WASF3: variants seen among roughly 807,000 people sequenced by gnomAD.
WASF3 encodes actin-binding protein WASF3.
WASF3 carries 11 observed loss-of-function variants against 46.6 expected under a neutral mutation model. The ratio of observed to expected loss-of-function variants is 0.24; its 90% CI spans 0.15 to 0.39. WASF3 has a LOEUF of 0.39. WASF3 is among the 10% of genes least tolerant of loss of function. The probability of loss-of-function intolerance (pLI) is 1.00; values close to 1 mark genes in which losing one functional copy is unlikely to be tolerated. For missense variants in WASF3, 576 were observed against 669.8 expected (o/e 0.86, Z 1.55); for synonymous variants, 242 against 259.7 (o/e 0.93, Z 0.65).
chr13:26,617,883 A>G lies in WASF3; in HGVS notation c.-11+4825A>G, dbSNP rs1881183175. Among the ~76,000 whole-genome samples, 4 of 151,958 alleles carry G rather than the reference A, an allele frequency of 2.6e-5. 1 individual carries two copies. The South Asian group carries it at 8.3e-4, about 32-fold the overall frequency. On this transcript the variant is annotated intron_variant, in intron 2 of 9. Coordinates refer to ENST00000335327, the MANE Select transcript of WASF3 (RefSeq NM_006646.6). Reference sequence around the variant, plus strand: ...TAGTGAATTCTCATGAGATCTGATGATTTTTTAAGTGTTTGGTAGTTCCTC... The same window carrying G: ...TAGTGAATTCTCATGAGATCTGATGGTTTTTTAAGTGTTTGGTAGTTCCTC...
the WASF3 span, among the ~76,000 whole-genome samples, chr13:26,542,930 G>A: frequency 6.6e-6 from 1 of 152,186 alleles, no homozygotes; most frequent in Non-Finnish European, 1.5e-5. Flanking sequence ...AATAGTATCT[G>A]CACATAAGGA....
In WASF3 at chr13:26,686,276, T is replaced by A. The variant is rs1883402991; in HGVS notation, c.*431T>A. On this transcript the variant is annotated 3_prime_UTR_variant, in exon 10 of 10. Coordinates refer to ENST00000335327, the MANE Select transcript of WASF3 (RefSeq NM_006646.6). ...CAGTAAGTGATATTGTTTCACCGCT[T>A]TGGTTTTTCCTTTTGTTTTTTTAAA... 1 of 154,938 alleles carries A rather than the reference T, an allele frequency of 6.5e-6. No homozygotes were observed. Among genetic ancestry groups the A allele is most frequent in the Admixed American group, 6.5e-5 (1 of 15,462 alleles). 9.6% of individuals were successfully genotyped at this position (154,938 alleles called of 1,614,324 possible).
chr13:26,652,252 A>G (rs1882335447), intron 3 of WASF3, among the ~76,000 whole-genome samples: 1 of 152,222 alleles, frequency 6.6e-6, no homozygotes, highest in Non-Finnish European at 1.5e-5. Context: ...GGTTTTGTGA[A>G]TGTCAGATAA....
chr13:26,681,476 A>G (rs117705522), intron 8 of WASF3, among the ~76,000 whole-genome samples, 156 bp downstream of exon 8: 148 of 152,364 alleles, frequency 9.7e-4, no homozygotes, highest in Non-Finnish European at 1.5e-3. Context: ...TCTGTGTGAA[A>G]TAAAGCAGGT....
chr13:26,620,379 G>C (rs1354069011), intron 2 of WASF3, among the ~76,000 whole-genome samples: 1 of 151,234 alleles, frequency 6.6e-6, no homozygotes, highest in Non-Finnish European at 1.5e-5. Flanking sequence ...TGGTCTAAAA[G>C]GACTTAGAAA....
intron 1 of WASF3, among the ~76,000 whole-genome samples, chr13:26,611,031 C>CT (rs71080282): frequency 0.15 from 16,335 of 110,484 alleles, 1,504 homozygotes; most frequent in East Asian, 0.23. Flanking sequence ...TTACTTACTC[C>CT]TTTTTTTTTT....
intron 1 of WASF3, among the ~76,000 whole-genome samples, chr13:26,585,386 T>G (rs979186995): frequency 6.6e-6 from 1 of 152,326 alleles, no homozygotes; most frequent in Middle Eastern, 3.4e-3. Context: ...GCCTACACAC[T>G]TGCTTTGAGA....
intron 3 of WASF3, among the ~76,000 whole-genome samples, chr13:26,657,076 G>T (rs975189794): frequency 6.6e-6 from 1 of 152,082 alleles, no homozygotes; most frequent in South Asian, 2.1e-4. Flanking sequence ...GTTGAATTAC[G>T]ACCAGAAGGG....
At chr13:26,549,365 T>G in the WASF3 span, among the ~76,000 whole-genome samples, 1 of 152,212 alleles carries the variant, frequency 6.6e-6, no homozygotes, top group Non-Finnish European at 1.5e-5. Flanking sequence ...GGGGTTCTCC[T>G]TAATGGCAGC....
At chr13:26,677,242 A>G (rs1333652825) in intron 7 of WASF3, among the ~76,000 whole-genome samples, 1 of 152,222 alleles carries the variant, frequency 6.6e-6, no homozygotes, top group African/African-American at 2.4e-5. Context: ...GAAGAATTCT[A>G]TTGGCGTTTA....
At chr13:26,648,163 G>C (rs17084423) in intron 3 of WASF3, among the ~76,000 whole-genome samples, 9,394 of 152,014 alleles carry the variant, frequency 0.062, 781 homozygotes, top group African/African-American at 0.19. Flanking sequence ...GAGTCATCAG[G>C]CTTCTTCATA....
chr13:26,546,493 C>T, the WASF3 span, among the ~76,000 whole-genome samples: 2 of 152,110 alleles, frequency 1.3e-5, no homozygotes, highest in South Asian at 4.1e-4. Context: ...ACCTGAGGAC[C>T]TGGTCAGGTC....
rs751929750 is a variant in WASF3, at chr13:26,682,962, G to A, written c.1339G>A (p.Ala447Thr). ...ISDARSDLLAAIRMGIQLKKV... is the reference protein window; with the variant it reads ...ISDARSDLLATIRMGIQLKKV... ...TGATGCTCGAAGCGACCTCCTCGCT[G>A]CTATTCGAATGGGTAAGTGGAGCCC... Residue 447 changes from alanine to threonine, a missense_variant, in exon 9 of 10, where the codon GCT (alanine) becomes ACT (threonine). By Grantham distance (58) the Ala-to-Thr change is moderately conservative (BLOSUM62 0). Transcript: ENST00000335327. This position sits in a 1 kb window ranked among gnomAD's most constrained non-coding sequence, Gnocchi z 4.4. 1.0e-5 allele frequency: 16 copies of A among 1,603,682 alleles called. No homozygotes were observed. The highest frequency in any genetic ancestry group is 1.4e-5 in the Non-Finnish European group (16 of 1,179,812).
At chr13:26,671,639 T>G (rs1176461509) in intron 5 of WASF3, among the ~76,000 whole-genome samples, 1 of 152,228 alleles carries the variant, frequency 6.6e-6, no homozygotes, top group East Asian at 1.9e-4. Context: ...TACTCAATTC[T>G]AAATTTGCAA....
intron 3 of WASF3, among the ~76,000 whole-genome samples, chr13:26,653,745 C>T (rs1882387002): frequency 6.6e-6 from 1 of 152,202 alleles, no homozygotes; most frequent in Non-Finnish European, 1.5e-5. Flanking sequence ...CTCAAAGTAA[C>T]ATCTTTATGC....
At chr13:26,676,933 G>A (rs962134800) in intron 7 of WASF3, among the ~76,000 whole-genome samples, 3 of 152,134 alleles carry the variant, frequency 2.0e-5, no homozygotes, top group Non-Finnish European at 4.4e-5. Context: ...TTTGATTTTA[G>A]AAAATCTCTC....
At chr13:26,603,806 G>C (rs1389496448) in intron 1 of WASF3, among the ~76,000 whole-genome samples, 1 of 152,210 alleles carries the variant, frequency 6.6e-6, no homozygotes, top group Non-Finnish European at 1.5e-5. Flanking sequence ...TGGTTTGGTT[G>C]CTGAAATTAA....
chr13:26,670,570 G>T (rs2776436), intron 5 of WASF3, among the ~76,000 whole-genome samples: 100,007 of 152,124 alleles, frequency 0.66, 33,835 homozygotes, highest in African/African-American at 0.81. Flanking sequence ...CCGCCTTCAT[G>T]AAGGTACTGG....
chr13:26,569,699 C>T (rs900180062), intron 1 of WASF3, among the ~76,000 whole-genome samples: 10 of 151,964 alleles, frequency 6.6e-5, no homozygotes, highest in African/African-American at 2.4e-4. Flanking sequence ...AGTAGATAGA[C>T]ATTAAACGAG....
Sources: gnomAD v4.1 joint callset for allele counts (sites outside exome capture counted in the v4.1 genomes callset) on GRCh38, gnomAD v4.1.1 for gene constraint, Gnocchi (gnomAD v3.1) non-coding constraint, MANE v1.5 for transcripts, NCBI Gene and HGNC (gene_info 2026-07-23, HGNC 2026-07-21) for gene names.